TDRD9: variants seen among roughly 807,000 people sequenced by gnomAD.
TDRD9 encodes ATP-dependent RNA helicase TDRD9.
TDRD9 carries 124 observed loss-of-function variants against 172.6 expected under a neutral mutation model. The observed-to-expected ratio is 0.72, with a 90% confidence interval of 0.62 to 0.83. The LOEUF (loss-of-function observed/expected upper bound fraction) is 0.83, where lower values mean the gene tolerates loss of function less well. Ranked by LOEUF, TDRD9 falls within the 40% of genes least tolerant of loss-of-function variation. The pLI is 0.00. For synonymous variants in TDRD9, 619 were observed against 617.1 expected (o/e 1.00, Z -0.05); for missense variants, 1,479 against 1,714.1 (o/e 0.86, Z 2.42).
intron 6 of TDRD9, among the ~76,000 whole-genome samples, chr14:103,971,414 C>T (rs772996723): frequency 1.9e-4 from 29 of 152,108 alleles, no homozygotes; most frequent in Non-Finnish European, 3.5e-4. Flanking sequence ...AAGCAATTCT[C>T]ATGCCTCAGC....
intron 1 of TDRD9, chr14:103,929,058 A>C (rs2030185454): frequency 3.1e-5 from 5 of 159,700 alleles, no homozygotes; most frequent in Non-Finnish European, 6.8e-5. Flanking sequence ...CCCTGTGAGC[A>C]TCTGCGTAAG....
intron 21 of TDRD9, 61 bp from the exon 22 acceptor site, chr14:104,015,920 A>G: frequency 3.3e-6 from 4 of 1,209,456 alleles, no homozygotes; most frequent in East Asian, 2.5e-5. Flanking sequence ...AGATTAGTAT[A>G]TTGGTGAGAA....
intron 29 of TDRD9, among the ~76,000 whole-genome samples, chr14:104,031,695 G>A (rs2035288679): frequency 6.6e-6 from 1 of 151,924 alleles, no homozygotes; most frequent in Admixed American, 6.6e-5. Flanking sequence ...GTGGTCTCAG[G>A]TCTACCTGTG....
intron 1 of TDRD9, 40 bp from the exon 2 acceptor site, chr14:103,955,624 T>C (rs2032154079): frequency 1.3e-6 from 2 of 1,501,632 alleles, no homozygotes; most frequent in Non-Finnish European, 1.8e-6. Context: ...GTTTCTTGGC[T>C]TTTTGGAAAT....
At chr14:104,018,044 T>C in intron 22 of TDRD9, 48 bp from the exon 23 acceptor site, 2 of 1,142,500 alleles carry the variant, frequency 1.8e-6, no homozygotes, top group Non-Finnish European at 2.6e-6. Flanking sequence ...GTTGAAACTA[T>C]TTTGTTAGCT....
At chr14:103,953,092 C>T (rs1256496408) in intron 1 of TDRD9, among the ~76,000 whole-genome samples, 4 of 152,176 alleles carry the variant, frequency 2.6e-5, no homozygotes, top group Non-Finnish European at 5.9e-5. Context: ...ACCTGCTCCC[C>T]TTCACCTGGT....
chr14:104,033,564 T>A (rs1596013616), intron 30 of TDRD9, among the ~76,000 whole-genome samples: 1 of 152,134 alleles, frequency 6.6e-6, no homozygotes, highest in South Asian at 2.1e-4. Context: ...TGCTGAGGGG[T>A]GACAGAGGAA....
In TDRD9 at chr14:104,006,406, G is replaced by C; in HGVS notation, c.1731G>C (p.Val577=). ...LLLKEVGALA[V]SGQREDENPH... The stretch of plus-strand genomic sequence containing the variant: ...TTATAAAGGTTGGAGCACTTGCAGT[G>C]AGTGGGCAGAGAGAAGATGAAAACC... The change falls in exon 16 of 36, where the codon GTG becomes GTC. Residue 577 remains valine (V), a synonymous_variant. Transcript: ENST00000409874. 1.2e-6 allele frequency: 2 copies of C among 1,613,794 alleles called. No individual in the cohort carries two copies. The highest frequency in any genetic ancestry group is 1.7e-6 in the Non-Finnish European group (2 of 1,179,818).
chr14:103,952,880 C>T (rs192166623), intron 1 of TDRD9, among the ~76,000 whole-genome samples: 1 of 151,668 alleles, frequency 6.6e-6, no homozygotes, highest in Non-Finnish European at 1.5e-5. Context: ...GCTGGGATTA[C>T]AGGTGCTCGC....
chr14:104,028,911 T>C (rs2152248497), intron 28 of TDRD9, among the ~76,000 whole-genome samples: 1 of 152,344 alleles, frequency 6.6e-6, no homozygotes, highest in South Asian at 2.1e-4. Context: ...TGTCCAGTTT[T>C]CCCAGCACCA....
chr14:104,046,340 T>C (rs1299522359), intron 34 of TDRD9, among the ~76,000 whole-genome samples: 1 of 152,212 alleles, frequency 6.6e-6, no homozygotes, highest in Non-Finnish European at 1.5e-5. Context: ...AATCATTTTC[T>C]CTCTTTTTGT....
At chr14:103,959,546 C>T (rs1005130628) in intron 2 of TDRD9, among the ~76,000 whole-genome samples, 1 of 150,654 alleles carries the variant, frequency 6.6e-6, no homozygotes, top group Admixed American at 6.6e-5. Context: ...CTATTAAAAC[C>T]ATGAGATTAC....
intron 12 of TDRD9, among the ~76,000 whole-genome samples, chr14:103,996,640 G>T (rs2034068923): frequency 6.6e-6 from 1 of 152,144 alleles, no homozygotes; most frequent in Non-Finnish European, 1.5e-5. Context: ...GCTGGAATGG[G>T]TAAACCAGGG....
chr14:104,042,220 TCCCAG>T (rs1270641763), intron 34 of TDRD9, 33 bp downstream of exon 34: 2 of 1,452,066 alleles, frequency 1.4e-6, no homozygotes, highest in South Asian at 2.3e-5. Flanking sequence ...CTTCTTTTCT[TCCCAG>T]TCAACTTTCT....
Position 104,005,456 on chromosome 14 carries a change from A to T in TDRD9, c.1713+51A>T, listed in dbSNP as rs2034406075. ...GTTGGCATCTGTAGAGCTGTGTTCT[A>T]CTGTGGCTCCCTCAGTCTGTGCCTC... On this transcript the variant is annotated intron_variant, in intron 15 of 35. Transcript: ENST00000409874. 2.5e-6 allele frequency: 4 copies of T among 1,599,708 alleles called. No homozygotes were observed. In the South Asian group the frequency reaches 4.4e-5, roughly 18 times the overall value.
In TDRD9 at chr14:103,939,677, G is replaced by GT. The variant is rs71126088; in HGVS notation, c.215+10980dup. The stretch of plus-strand genomic sequence containing the variant: ...ACGCAGGGAGAATAAAGTTAGGAGG[G>GT]TTTTTTTTTTTTTTTTTTTTTTTTT... On this transcript the variant is annotated intron_variant, in intron 1 of 35. Coordinates refer to ENST00000409874, the MANE Select transcript of TDRD9 (RefSeq NM_153046.3). 15 of 68,718 alleles carry GT rather than the reference G, an allele frequency of 2.2e-4. 1 individual carries two copies. Among genetic ancestry groups the GT allele is most frequent in the Admixed American group, 1.2e-3 (6 of 5,194 alleles). 4.3% of individuals were successfully genotyped at this position (68,718 alleles called of 1,614,324 possible).
chr14:104,026,060 AT>A lies in TDRD9; in HGVS notation c.2947del (p.Tyr983MetfsTer7). The A allele has an allele frequency of 6.2e-7, 1 of 1,607,966 alleles. No individual in the cohort carries two copies. The highest frequency in any genetic ancestry group is 8.5e-7 in the Non-Finnish European group (1 of 1,174,562). ...TTTATTTTCTAGGTATTCTTTGTAG[AT>A]TATGGCAATAAGTCTCATGTAGATC... ...SGNSAEVFFV[D>X]YGNKSHVDLH... On this transcript the variant is annotated frameshift_variant, in exon 27 of 36. Transcript: ENST00000409874. LOFTEE classifies it high-confidence loss of function.
rs1307117570 is a variant in TDRD9 at position 104,026,877 on chromosome 14, A to G, written c.3220A>G (p.Ile1074Val). ...CTCAGGGGTCCAGGATGCCATCAAC[A>G]TAAGAGACGTCCTCATCCAGCAGGG... ...QYSGVQDAIN[I>V]RDVLIQQGYA... Residue 1074 changes from isoleucine (I) to valine (V), a missense_variant, in exon 28 of 36, where the codon ATA becomes GTA. By Grantham distance (29) the Ile-to-Val change is conservative. Coordinates refer to ENST00000409874, the MANE Select transcript of TDRD9 (RefSeq NM_153046.3). 1.9e-6 allele frequency: 3 copies of G among 1,614,022 alleles called. No homozygotes were observed. The highest frequency in any genetic ancestry group is 1.3e-5 in the African/African-American group (1 of 75,054).
intron 35 of TDRD9, 48 bp from the exon 36 acceptor site, chr14:104,051,933 A>G: frequency 2.3e-6 from 3 of 1,281,684 alleles, no homozygotes; most frequent in Non-Finnish European, 3.3e-6. Context: ...TTATGTCTGG[A>G]AAAGCCCTGT....
Sources: gnomAD v4.1 joint callset for allele counts (sites outside exome capture counted in the v4.1 genomes callset) on GRCh38, gnomAD v4.1.1 for gene constraint, MANE v1.5 for transcripts, NCBI Gene and HGNC (gene_info 2026-07-23, HGNC 2026-07-21) for gene names.